The following SLC30A3 variants were observed in gnomAD, a reference collection of about 807,000 sequenced individuals.
SLC30A3 encodes the protein solute carrier family 30 member 3.
SLC30A3 carries 20 observed loss-of-function variants against 35.6 expected under a neutral mutation model. The observed-to-expected ratio is 0.56, with a 90% confidence interval of 0.39 to 0.82. SLC30A3 has a LOEUF of 0.82. Among genes scored for constraint, SLC30A3 ranks in the 40% least tolerant of loss-of-function variants. The probability of loss-of-function intolerance (pLI) is 0.00; values close to 1 mark genes in which losing one functional copy is unlikely to be tolerated. For missense variants in SLC30A3, 401 were observed against 530.6 expected (o/e 0.76, Z 2.40); for synonymous variants, 217 against 224.7 (o/e 0.97, Z 0.31).
chr2:27,256,975 T>G (rs1371620041), intron 5 of SLC30A3, 82 bp from the exon 6 acceptor site: 12 of 1,173,168 alleles, frequency 1.0e-5, no homozygotes, highest in African/African-American at 1.6e-5. Flanking sequence ...AAACATGACC[T>G]GAGAGGCCCC....
rs1342215546 is a variant in SLC30A3, at chr2:27,271,352, G to A, written c.-159+3825C>T. On this transcript the variant is annotated intron_variant, in intron 1 of 5. Coordinates refer to the SLC30A3 transcript ENST00000424577. This position sits in a 1 kb window ranked among gnomAD's most constrained non-coding sequence, Gnocchi z 4.3. Reference sequence around the variant, plus strand: ...CGTTTTCTCCATGAGAGACCAAATGGCTCTGAGTGGTAGTAAACAAAAAGA... The same window carrying A: ...CGTTTTCTCCATGAGAGACCAAATGACTCTGAGTGGTAGTAAACAAAAAGA... 2.0e-5 allele frequency among the ~76,000 whole-genome samples: 3 copies of A among 152,190 alleles called. No homozygotes were observed. In the East Asian group the frequency reaches 5.8e-4, roughly 29 times the overall value.
At chr2:27,256,765 G>T in intron 6 of SLC30A3, 23 bp downstream of exon 6, 1 of 1,523,900 alleles carries the variant, frequency 6.6e-7, no homozygotes, top group Non-Finnish European at 9.0e-7. Flanking sequence ...CACAGGGATG[G>T]GGAGCTGTGG....
chr2:27,260,438 G>A (rs991987459), intron 1 of SLC30A3, among the ~76,000 whole-genome samples: 10 of 152,148 alleles, frequency 6.6e-5, no homozygotes, highest in African/African-American at 2.4e-4. Flanking sequence ...CTCACCTGGG[G>A]ATGCCAGAGG....
rs890305860 is a variant in SLC30A3, at chr2:27,255,103, CCT to C, written c.*207_*208del. The C allele has an allele frequency of 6.6e-6, 10 of 1,522,388 alleles. No individual in the cohort carries two copies. In the African/African-American group the frequency reaches 9.6e-5, roughly 15 times the overall value. The allele number at this position is 1,522,388 out of a possible 1,614,324, so 94.3% of individuals were successfully genotyped here. ...CCCCTGAACTAGTCACATCTATTCC[CCT>C]GACTCCCACCCCACTCCCCGCCACA... On this transcript the variant is annotated 3_prime_UTR_variant, in exon 8 of 8. Transcript: ENST00000233535. The surrounding 1 kb of genome is among the most constrained non-coding windows in gnomAD (Gnocchi z 5.2).
intron 1 of SLC30A3, among the ~76,000 whole-genome samples, chr2:27,268,156 A>ATACTGTTCTGTACTGTACAG (rs1677574044): frequency 2.0e-5 from 3 of 152,132 alleles, no homozygotes; most frequent in Non-Finnish European, 2.9e-5. Flanking sequence ...CAGAACAGGG[A>ATACTGTTCTGTACTGTACAG]TACTGTTCTG....
upstream of SLC30A3, among the ~76,000 whole-genome samples, chr2:27,264,581 C>T (rs1229688681): frequency 1.3e-5 from 2 of 152,318 alleles, no homozygotes; most frequent in East Asian, 3.9e-4. The surrounding 1 kb of genome is among the most constrained non-coding windows in gnomAD (Gnocchi z 6.1). Context: ...GGGAGAGCCA[C>T]AGGGGCTGCG....
At position 27,262,800 on chromosome 2, in the gene SLC30A3, G is replaced by A; in HGVS notation, c.95+12C>T. ...CGCCCCCGGGCCGAGGGCCAGCCCA[G>A]GTCTGTCCTACCTCTTCAAACGCAG... On this transcript the variant is annotated intron_variant, in intron 1 of 7. Coordinates refer to ENST00000233535, the MANE Select transcript of SLC30A3 (RefSeq NM_003459.5). This position sits in a 1 kb window ranked among gnomAD's most constrained non-coding sequence, Gnocchi z 7.5. 6.4e-7 allele frequency: 1 copy of A among 1,559,168 alleles called. No individual in the cohort carries two copies. The highest frequency in any genetic ancestry group is 2.6e-5 in the East Asian group (1 of 38,066).
Position 27,258,519 on chromosome 2 carries a change from A to T in SLC30A3, c.278-212T>A. On this transcript the variant is annotated intron_variant, in intron 2 of 7. Transcript: ENST00000233535. This position sits in a 1 kb window ranked among gnomAD's most constrained non-coding sequence, Gnocchi z 4.0. ...CAATGATTTATTTTAATAACAAGAA[A>T]ATAGGGTTTTTAAAAGAAGTCAGCC... The T allele has an allele frequency of 1.5e-6, 1 of 660,800 alleles. No homozygotes were observed. The highest frequency in any genetic ancestry group is 2.4e-6 in the Non-Finnish European group (1 of 408,240). The allele number at this position is 660,800 out of a possible 1,614,324, so 40.9% of individuals were successfully genotyped here. A position where few individuals can be genotyped will look rare whatever the true frequency, so the allele number is the denominator to read the frequency against.
chr2:27,269,269 G>A (rs758284848), intron 1 of SLC30A3, among the ~76,000 whole-genome samples: 56 of 144,318 alleles, frequency 3.9e-4, no homozygotes, highest in South Asian at 6.8e-4. Context: ...GCAGTGGCAC[G>A]ATCTCGGCTC....
upstream of SLC30A3, among the ~76,000 whole-genome samples, chr2:27,265,959 A>T (rs916383489): frequency 2.0e-5 from 3 of 152,136 alleles, no homozygotes; most frequent in Non-Finnish European, 4.4e-5. This position sits in a 1 kb window ranked among gnomAD's most constrained non-coding sequence, Gnocchi z 5.9. Flanking sequence ...GGAGGGCAAC[A>T]GCTTAAATGT....
rs146881159 is a variant in SLC30A3, at chr2:27,257,808, G to A, written c.578+97C>T. Reference sequence around the variant, plus strand: ...CATGGAGAGCTGTGTGTGCGTGTCTGTGTGTCTGGTGGGGAGGAGAGAGCC... The same window carrying A: ...CATGGAGAGCTGTGTGTGCGTGTCTATGTGTCTGGTGGGGAGGAGAGAGCC... On this transcript the variant is annotated intron_variant, in intron 4 of 7. Coordinates refer to ENST00000233535, the MANE Select transcript of SLC30A3 (RefSeq NM_003459.5). This position sits in a 1 kb window ranked among gnomAD's most constrained non-coding sequence, Gnocchi z 4.7. The A allele has an allele frequency of 3.7e-4, 462 of 1,235,530 alleles. 3 individuals carry two copies. The African/African-American group carries it at 6.1e-3, about 16-fold the overall frequency. The allele number at this position is 1,235,530 out of a possible 1,614,324, so 76.5% of individuals were successfully genotyped here.
upstream of SLC30A3, chr2:27,275,578 A>C (rs796839615): frequency 7.6e-5 from 23 of 302,588 alleles, no homozygotes; most frequent in African/African-American, 4.8e-4. Context: ...CCAGGTGAGG[A>C]GTCGGCACAG....
At position 27,258,961 on chromosome 2, in the gene SLC30A3, G is replaced by A. The variant is rs377748366; in HGVS notation, c.96-27C>T. 5.8e-6 allele frequency: 9 copies of A among 1,551,114 alleles called. No individual in the cohort carries two copies. The African/African-American group carries it at 1.1e-4, about 19-fold the overall frequency. On this transcript the variant is annotated intron_variant, in intron 1 of 7. Coordinates refer to ENST00000233535, the MANE Select transcript of SLC30A3 (RefSeq NM_003459.5). This position sits in a 1 kb window ranked among gnomAD's most constrained non-coding sequence, Gnocchi z 4.0. The stretch of plus-strand genomic sequence containing the variant: ...TGAGGCAAGCAACATGGTTCAACCT[G>A]GGCCTGGCCCACAGGCTGGCCTGCT...
chr2:27,263,116 C>T, upstream of SLC30A3: 2 of 1,348,778 alleles, frequency 1.5e-6, no homozygotes, highest in South Asian at 1.8e-5. Flanking sequence ...GGCGAGCTCC[C>T]CAAGCTCCGC....
upstream of SLC30A3, among the ~76,000 whole-genome samples, chr2:27,267,566 T>C (rs188426420): frequency 6.6e-6 from 1 of 152,110 alleles, no homozygotes; most frequent in East Asian, 1.9e-4. Context: ...GATGTGCTCA[T>C]GACCTACCTC....
At chr2:27,259,314 G>A (rs1001838453) in intron 1 of SLC30A3, among the ~76,000 whole-genome samples, 6 of 152,158 alleles carry the variant, frequency 3.9e-5, no homozygotes, top group Admixed American at 2.6e-4. Context: ...CCAACATGGT[G>A]AAACCCCATC....
rs762290567 is a variant in SLC30A3 at position 27,258,940 on chromosome 2, G to A, written c.96-6C>T. The A allele has an allele frequency of 1.8e-5, 29 of 1,578,904 alleles. No individual in the cohort carries two copies. In the South Asian group the frequency reaches 3.3e-4, roughly 18 times the overall value. On this transcript the variant is annotated splice_region_variant and splice_polypyrimidine_tract_variant and intron_variant, in intron 1 of 7. Transcript: ENST00000233535. The surrounding 1 kb of genome is among the most constrained non-coding windows in gnomAD (Gnocchi z 4.0). ...CTGAGGGCTCTGTGAAGAGACTGAG[G>A]CAAGCAACATGGTTCAACCTGGGCC...
intron 1 of SLC30A3, among the ~76,000 whole-genome samples, chr2:27,273,051 A>AATATAT (rs1553376592): frequency 6.9e-6 from 1 of 145,306 alleles, no homozygotes; most frequent in African/African-American, 2.6e-5. Flanking sequence ...AAAAAAAAAA[A>AATATAT]ATATATATAT....
intron 1 of SLC30A3, among the ~76,000 whole-genome samples, chr2:27,268,481 C>T (rs928404834): frequency 9.9e-5 from 15 of 152,078 alleles, no homozygotes; most frequent in Admixed American, 2.0e-4. Context: ...AGGCCGGGGG[C>T]GGTGGCTCAC....
Sources: allele counts gnomAD v4.1 joint callset (sites outside exome capture counted in the v4.1 genomes callset), GRCh38; gene constraint gnomAD v4.1.1; non-coding constraint Gnocchi (gnomAD v3.1); transcripts MANE v1.5; gene names NCBI Gene and HGNC (gene_info 2026-07-23, HGNC 2026-07-21).